CWC27: variants seen among roughly 807,000 people sequenced by gnomAD.
The protein encoded by CWC27 is CWC27 spliceosome associated cyclophilin.
In CWC27, 47 loss-of-function variants were observed where a neutral mutation model predicts 63.6. The ratio of observed to expected loss-of-function variants is 0.74; its 90% CI spans 0.58 to 0.94. CWC27 has a LOEUF of 0.94. Ranked by LOEUF, CWC27 falls within the 40% of genes least tolerant of loss-of-function variation. The probability of loss-of-function intolerance (pLI) is 0.00; values close to 1 mark genes in which losing one functional copy is unlikely to be tolerated. For missense variants in CWC27, 495 were observed against 554.3 expected, an observed-to-expected ratio of 0.89 and a Z score of 1.07; for synonymous variants, 175 against 179.8, an observed-to-expected ratio of 0.97 and a Z score of 0.22.
intron 13 of CWC27, among the ~76,000 whole-genome samples, chr5:64,994,309 A>C (rs890082210): frequency 6.6e-6 from 1 of 152,096 alleles, no homozygotes; most frequent in African/African-American, 2.4e-5. Flanking sequence ...CTTTTGTAAC[A>C]TCTCTTTTGA....
chr5:64,807,821 A>C (rs953090020), intron 10 of CWC27: 1 of 1,533,414 alleles, frequency 6.5e-7, no homozygotes, highest in African/African-American at 1.4e-5. Flanking sequence ...AAATTTCTTC[A>C]ACCCGTATTT....
intron 13 of CWC27, among the ~76,000 whole-genome samples, chr5:64,983,392 G>T (rs1749363069): frequency 6.6e-6 from 1 of 151,940 alleles, no homozygotes; most frequent in Non-Finnish European, 1.5e-5. Context: ...ACTCATGAGG[G>T]GATAAGAATG....
At chr5:64,774,473 C>G (rs17807123) in intron 1 of CWC27, among the ~76,000 whole-genome samples, 81,938 of 151,996 alleles carry the variant, frequency 0.54, 22,642 homozygotes, top group East Asian at 0.84. Flanking sequence ...TCTTAAATCC[C>G]AAACTTTTTC....
intron 11 of CWC27, among the ~76,000 whole-genome samples, chr5:64,929,688 AT>A (rs886205029): frequency 4.6e-5 from 7 of 151,736 alleles, no homozygotes; most frequent in South Asian, 2.1e-4. Flanking sequence ...GATGACTATA[AT>A]TTTTTTTTAA....
At position 64,885,552 on chromosome 5, in the gene CWC27, G is replaced by T; in HGVS notation, c.1042+6G>T. 6.3e-7 allele frequency: 1 copy of T among 1,584,810 alleles called. No homozygotes were observed. Among genetic ancestry groups the T allele is most frequent in the Non-Finnish European group, 8.6e-7 (1 of 1,162,860 alleles). On this transcript the variant is annotated splice_donor_region_variant and intron_variant, in intron 11 of 13. Coordinates refer to ENST00000381070, the MANE Select transcript of CWC27 (RefSeq NM_005869.4). ...AGCAGAAAAAAGAAGTGAAGGTAAG[G>T]GCATTTATCACGCTTATTTTTTCAC...
chr5:64,834,557 G>T (rs1165185848), intron 10 of CWC27, among the ~76,000 whole-genome samples: 2 of 151,666 alleles, frequency 1.3e-5, no homozygotes, highest in Non-Finnish European at 3.0e-5. Context: ...TGGCCAAAAG[G>T]TAATGCTCAG....
chr5:64,919,407 G>A (rs1323904074), intron 11 of CWC27, among the ~76,000 whole-genome samples: 1 of 152,070 alleles, frequency 6.6e-6, no homozygotes, highest in Admixed American at 6.6e-5. Context: ...TTTGTTACAT[G>A]GGTAAATTGG....
intron 10 of CWC27, among the ~76,000 whole-genome samples, chr5:64,858,120 A>C (rs1312220105): frequency 1.8e-5 from 2 of 110,322 alleles, no homozygotes; most frequent in Non-Finnish European, 3.6e-5. Context: ...CCTGGGCGAC[A>C]GAGCGAGACT....
At chr5:64,931,462 A>G (rs908543045) in intron 11 of CWC27, among the ~76,000 whole-genome samples, 5 of 151,642 alleles carry the variant, frequency 3.3e-5, no homozygotes, top group African/African-American at 1.2e-4. Context: ...AAATTGATAA[A>G]CTCTTTTTTT....
chr5:64,915,145 G>A (rs1247462400), intron 11 of CWC27, among the ~76,000 whole-genome samples: 1 of 152,060 alleles, frequency 6.6e-6, no homozygotes, highest in Admixed American at 6.6e-5. Context: ...GTTTGTTTTT[G>A]TTTTCAGAAG....
intron 13 of CWC27, among the ~76,000 whole-genome samples, chr5:65,016,345 A>G (rs961078219): frequency 5.3e-5 from 8 of 152,188 alleles, no homozygotes; most frequent in African/African-American, 1.9e-4. Flanking sequence ...TGTATCATTA[A>G]TAATATAGTT....
chr5:64,834,225 C>G (rs1290822320), intron 10 of CWC27, among the ~76,000 whole-genome samples: 1 of 151,182 alleles, frequency 6.6e-6, no homozygotes, highest in Non-Finnish European at 1.5e-5. Context: ...GTAACAAGTA[C>G]AACTTTTTTC....
chr5:64,951,781 G>A (rs1748715124), intron 11 of CWC27, among the ~76,000 whole-genome samples: 1 of 151,942 alleles, frequency 6.6e-6, no homozygotes, highest in African/African-American at 2.4e-5. Flanking sequence ...TTAGCACAAT[G>A]TTTCCAAGGT....
intron 10 of CWC27, among the ~76,000 whole-genome samples, chr5:64,827,411 A>G (rs1367967152): frequency 1.3e-5 from 2 of 152,124 alleles, no homozygotes; most frequent in Non-Finnish European, 2.9e-5. Context: ...TCCCATTACC[A>G]TTAGCAATTG....
At chr5:64,995,008 AT>A (rs72205192) in intron 13 of CWC27, among the ~76,000 whole-genome samples, 50,504 of 129,616 alleles carry the variant, frequency 0.39, 7,574 homozygotes, top group South Asian at 0.41. Context: ...AAGCTCTGAA[AT>A]TTTTTTTTTT....
Position 64,908,463 on chromosome 5 carries a change from C to T in CWC27, c.1042+22917C>T, listed in dbSNP as rs192227597. On this transcript the variant is annotated intron_variant, in intron 11 of 13. Coordinates refer to ENST00000381070, the MANE Select transcript of CWC27 (RefSeq NM_005869.4). ...ATTGTTAACCTTCTGTCTCGTTGATCTGTCTAATATTGACAGTGGGTTGTT... is the reference window on the plus strand; with the variant it reads ...ATTGTTAACCTTCTGTCTCGTTGATTTGTCTAATATTGACAGTGGGTTGTT... 8.7e-4 allele frequency among the ~76,000 whole-genome samples: 133 copies of T among 152,312 alleles called. 1 individual carries two copies. The highest frequency in any genetic ancestry group is 1.0e-3 in the Non-Finnish European group (71 of 68,024).
chr5:64,885,386 T>C, intron 10 of CWC27, 57 bp from the exon 11 acceptor site: 1 of 1,250,686 alleles, frequency 8.0e-7, no homozygotes. Context: ...CTGTTTTTGC[T>C]AAACAACTTT....
chr5:64,936,359 A>G (rs1202421445), intron 11 of CWC27, among the ~76,000 whole-genome samples: 1 of 152,148 alleles, frequency 6.6e-6, no homozygotes, highest in Non-Finnish European at 1.5e-5. Flanking sequence ...TGAGATAATC[A>G]TGTGGTTTTT....
Position 64,946,166 on chromosome 5 carries a change from G to C in CWC27, c.1043-25537G>C, listed in dbSNP as rs117458425. Among the ~76,000 whole-genome samples, 19 of 152,222 alleles carry C rather than the reference G, an allele frequency of 1.2e-4. No individual in the cohort carries two copies. The East Asian group carries it at 3.7e-3, about 29-fold the overall frequency. On this transcript the variant is annotated intron_variant, in intron 11 of 13. Coordinates refer to ENST00000381070, the MANE Select transcript of CWC27 (RefSeq NM_005869.4). ...TTAGATTTGTAATTTTTAATCAATT[G>C]AGTAAAGTGAGGAGGCATGATTGTT...
Sources: allele counts gnomAD v4.1 joint callset (sites outside exome capture counted in the v4.1 genomes callset), GRCh38; gene constraint gnomAD v4.1.1; transcripts MANE v1.5; gene names NCBI Gene and HGNC (gene_info 2026-07-23, HGNC 2026-07-21).